The following SOX5 variants were observed in gnomAD, a reference collection of about 807,000 sequenced individuals.
SOX5 encodes transcription factor SOX-5.
A neutral mutation model predicts 92.0 loss-of-function variants in SOX5; 9 were observed. The observed-to-expected ratio is 0.10, with a 90% CI of 0.06 to 0.17. SOX5 has a LOEUF of 0.17. Among genes scored for constraint, SOX5 ranks in the 10% least tolerant of loss-of-function variants. SOX5 has a pLI of 1.00. For synonymous variants in SOX5, 344 were observed against 336.3 expected, an observed-to-expected ratio of 1.02 and a Z score of -0.25; for missense variants, 642 against 944.5, an observed-to-expected ratio of 0.68 and a Z score of 4.20.
chr12:23,741,867 T>C (rs1406077622), intron 4 of SOX5, among the ~76,000 whole-genome samples: 1 of 152,182 alleles, frequency 6.6e-6, no homozygotes, highest in African/African-American at 2.4e-5. Flanking sequence ...ACACTCAAGA[T>C]ATTTAAAACA....
chr12:23,715,801 T>A (rs1593584295), intron 6 of SOX5, among the ~76,000 whole-genome samples: 1 of 91,726 alleles, frequency 1.1e-5, no homozygotes, highest in African/African-American at 5.7e-5. Flanking sequence ...GAAAGAGTAG[T>A]AATTTCCCAA....
At chr12:23,934,755 A>G (rs1044241634) in intron 1 of SOX5, among the ~76,000 whole-genome samples, 2 of 151,360 alleles carry the variant, frequency 1.3e-5, no homozygotes, top group African/African-American at 4.8e-5. Flanking sequence ...AAACATGCTA[A>G]GTTATAAATG....
At chr12:23,838,484 T>C (rs964999419) in intron 3 of SOX5, among the ~76,000 whole-genome samples, 3 of 152,000 alleles carry the variant, frequency 2.0e-5, no homozygotes, top group Non-Finnish European at 4.4e-5. Context: ...CATCAATGCA[T>C]CTTAGTGGTT....
At chr12:24,433,707 T>G (rs529011530) in intron 1 of SOX5, among the ~76,000 whole-genome samples, 2 of 152,230 alleles carry the variant, frequency 1.3e-5, no homozygotes, top group East Asian at 3.9e-4. Context: ...TAAGTTAAAA[T>G]TTGGAGTGAC....
rs1264695375 is a variant in SOX5, at chr12:23,734,586, A to AT, written c.810+97dup. On this transcript the variant is annotated intron_variant, in intron 6 of 14. Transcript: ENST00000451604. ...TATGTCATGAATTAGCTTGAAAGTC[A>AT]TTTTTATTTTGGAGGTCATTTCAGT... 8 of 898,668 alleles carry AT rather than the reference A, an allele frequency of 8.9e-6. No homozygotes were observed. The African/African-American group carries it at 1.2e-4, about 13-fold the overall frequency. The allele number at this position is 898,668 out of a possible 1,614,324, so 55.7% of individuals were successfully genotyped here.
chr12:23,540,950 T>C (rs1941907037), intron 13 of SOX5, among the ~76,000 whole-genome samples: 1 of 152,218 alleles, frequency 6.6e-6, no homozygotes, highest in Non-Finnish European at 1.5e-5. Context: ...AATGATCTTG[T>C]GGATATTTGA....
rs542624105 is a variant in SOX5 at position 24,296,464 on chromosome 12, A to C, written c.-173-19152T>G. Among the ~76,000 whole-genome samples the C allele has an allele frequency of 5.9e-5, 9 of 152,352 alleles. No individual in the cohort carries two copies. The East Asian group carries it at 1.7e-3, about 29-fold the overall frequency. ...GTGAGAACTCCGAATAGATCTAGCC[A>C]TGGTTCACAAAAATCAGGTCCTAAG... On this transcript the variant is annotated intron_variant, in intron 2 of 4. Transcript: ENST00000446891.
chr12:23,891,500 T>C (rs1001888785), intron 2 of SOX5, among the ~76,000 whole-genome samples: 3 of 152,202 alleles, frequency 2.0e-5, no homozygotes, highest in African/African-American at 7.2e-5. Context: ...GTATCTTGTC[T>C]CTAACCTATT....
intron 3 of SOX5, among the ~76,000 whole-genome samples, chr12:23,791,971 T>A (rs905896024): frequency 6.6e-6 from 1 of 151,994 alleles, no homozygotes; most frequent in Non-Finnish European, 1.5e-5. Context: ...GTAGGGGATA[T>A]AGAGTAAAAA....
chr12:24,261,886 G>A (rs1184892944), intron 3 of SOX5, among the ~76,000 whole-genome samples: 1 of 152,104 alleles, frequency 6.6e-6, no homozygotes, highest in African/African-American at 2.4e-5. Context: ...TTCTGTTTCT[G>A]ATATATGAAA....
At chr12:24,481,744 T>C (rs1946022747) in intron 1 of SOX5, among the ~76,000 whole-genome samples, 1 of 152,092 alleles carries the variant, frequency 6.6e-6, no homozygotes, top group Admixed American at 6.6e-5. Flanking sequence ...GGGAGAAACG[T>C]AGATGGGGGT....
At chr12:23,768,736 T>G (rs1402944755) in intron 3 of SOX5, among the ~76,000 whole-genome samples, 3 of 152,136 alleles carry the variant, frequency 2.0e-5, no homozygotes, top group Admixed American at 6.6e-5. Context: ...GTAAGAAATC[T>G]GGGAAGTGAA....
intron 4 of SOX5, among the ~76,000 whole-genome samples, chr12:24,073,980 G>A (rs942252731): frequency 6.6e-6 from 1 of 152,020 alleles, no homozygotes; most frequent in African/African-American, 2.4e-5. Flanking sequence ...ATTACTTCTT[G>A]ATAGATTCTC....
chr12:24,419,535 C>T (rs1207519586), intron 1 of SOX5, among the ~76,000 whole-genome samples: 2 of 152,146 alleles, frequency 1.3e-5, no homozygotes, highest in African/African-American at 4.8e-5. Context: ...GCAAATGTTA[C>T]AGACTCTAAA....
chr12:24,088,055 A>G (rs563313122), intron 4 of SOX5, among the ~76,000 whole-genome samples: 16 of 152,082 alleles, frequency 1.1e-4, no homozygotes, highest in Non-Finnish European at 2.4e-4. Context: ...CAGGAAAGCT[A>G]CAAGCAATGG....
At chr12:24,258,812 A>T (rs1941646163) in intron 3 of SOX5, among the ~76,000 whole-genome samples, 1 of 152,214 alleles carries the variant, frequency 6.6e-6, no homozygotes, top group African/African-American at 2.4e-5. Context: ...ATATACATTA[A>T]TTCATTTACT....
chr12:24,405,678 T>C (rs1962770011), intron 1 of SOX5, among the ~76,000 whole-genome samples: 1 of 152,158 alleles, frequency 6.6e-6, no homozygotes, highest in Non-Finnish European at 1.5e-5. Flanking sequence ...CAGGCCCCAC[T>C]GCCTCGACTC....
intron 4 of SOX5, among the ~76,000 whole-genome samples, chr12:24,165,077 A>C (rs1202963860): frequency 2.0e-5 from 3 of 152,120 alleles, no homozygotes; most frequent in Admixed American, 6.6e-5. Flanking sequence ...ATGGGTACAT[A>C]AACACAGTAA....
At chr12:23,898,998 A>G (rs1415795189) in intron 1 of SOX5, among the ~76,000 whole-genome samples, 1 of 152,234 alleles carries the variant, frequency 6.6e-6, no homozygotes, top group Non-Finnish European at 1.5e-5. Flanking sequence ...CATGTTTACT[A>G]TGACCCATAG....
Sources: allele counts gnomAD v4.1 joint callset (sites outside exome capture counted in the v4.1 genomes callset), GRCh38; gene constraint gnomAD v4.1.1; transcripts MANE v1.5; gene names NCBI Gene and HGNC (gene_info 2026-07-23, HGNC 2026-07-21).